Variants in SCMH1 observed in about 807,000 individuals in gnomAD.
The protein encoded by SCMH1 is polycomb protein SCMH1.
A neutral mutation model predicts 70.8 loss-of-function variants in SCMH1; 37 were observed. That is an observed-to-expected ratio of 0.52 (90% CI 0.40 to 0.69). SCMH1 has a LOEUF of 0.69. Ranked by LOEUF, SCMH1 falls within the 30% of genes least tolerant of loss-of-function variation. SCMH1 has a pLI of 0.00. For synonymous variants in SCMH1, 292 were observed against 307.4 expected (o/e 0.95, Z 0.52); for missense variants, 607 against 827.3 (o/e 0.73, Z 3.27).
chr1:41,162,648 G>A (rs1028318848), intron 2 of SCMH1: 1 of 152,274 alleles, frequency 6.6e-6, no homozygotes, highest in South Asian at 2.1e-4. Context: ...CAACCTGCTT[G>A]CAGAGAGGAG....
intron 1 of SCMH1, among the ~76,000 whole-genome samples, chr1:41,213,310 C>T (rs1657431217): frequency 6.6e-6 from 1 of 152,114 alleles, no homozygotes; most frequent in Admixed American, 6.6e-5. Flanking sequence ...TAGCTTGTGG[C>T]TATAATGTTT....
At chr1:41,231,723 A>G (rs1374526848) in intron 1 of SCMH1, among the ~76,000 whole-genome samples, 1 of 152,078 alleles carries the variant, frequency 6.6e-6, no homozygotes, top group Non-Finnish European at 1.5e-5. Context: ...AGTTTTGTGG[A>G]GTATTAGAAA....
At chr1:41,168,962 T>C (rs1478911447) in intron 2 of SCMH1, among the ~76,000 whole-genome samples, 2 of 152,196 alleles carry the variant, frequency 1.3e-5, no homozygotes, top group Admixed American at 1.3e-4. Flanking sequence ...TTTCCTTCTA[T>C]CTTCACAGCT....
At chr1:41,176,450 G>A (rs1319592361) in intron 2 of SCMH1, among the ~76,000 whole-genome samples, 4 of 152,310 alleles carry the variant, frequency 2.6e-5, no homozygotes, top group South Asian at 4.1e-4. Context: ...AGCAGGGCGA[G>A]GCATCGCCTC....
At chr1:41,185,181 G>GA (rs1649833155) in intron 2 of SCMH1, among the ~76,000 whole-genome samples, 2 of 151,868 alleles carry the variant, frequency 1.3e-5, no homozygotes, top group Admixed American at 1.3e-4. Context: ...TGCTTCAAAC[G>GA]AAAAATTCAT....
chr1:41,063,188 A>G (rs542919764), intron 10 of SCMH1, among the ~76,000 whole-genome samples: 6 of 152,162 alleles, frequency 3.9e-5, no homozygotes, highest in African/African-American at 1.4e-4. Flanking sequence ...CAATAGAGGA[A>G]ACAGGCCAGG....
intron 6 of SCMH1, among the ~76,000 whole-genome samples, chr1:41,127,524 C>CAATTGTATCTTTTCCT (rs1375529001): frequency 6.6e-6 from 1 of 152,162 alleles, no homozygotes; most frequent in Admixed American, 6.5e-5. Context: ...TATATGGATT[C>CAATTGTATCTTTTCCT]AATTGTATCT....
rs3030391 is a variant in SCMH1, at chr1:41,049,310, A to ATGTGTGTGTGTGTG, written c.1106-434_1106-421dup. 5.3e-5 allele frequency among the ~76,000 whole-genome samples: 8 copies of ATGTGTGTGTGTGTG among 149,894 alleles called. No homozygotes were observed. In the East Asian group the frequency reaches 7.9e-4, roughly 15 times the overall value. ...GCAATGGCAATATTAGCAAGGGCAT[A>ATGTGTGTGTGTGTG]TGTGTGTGTGTGTGTGTGTGTATGT... On this transcript the variant is annotated intron_variant, in intron 10 of 14. Transcript: ENST00000337495.
At chr1:41,087,937 G>GGTGAGTGTGTGTGTGTGTGT (rs146410110) in intron 8 of SCMH1, among the ~76,000 whole-genome samples, 1 of 139,844 alleles carries the variant, frequency 7.2e-6, no homozygotes. Flanking sequence ...TATAGTTTCT[G>GGTGAGTGTGTGTGTGTGTGT]GTGTGTGTGT....
At chr1:41,221,489 C>G (rs1398944425) in intron 1 of SCMH1, among the ~76,000 whole-genome samples, 1 of 129,912 alleles carries the variant, frequency 7.7e-6, no homozygotes, top group South Asian at 2.4e-4. Context: ...ACCATTTCTA[C>G]AAAAACAAAA....
chr1:41,183,240 C>T (rs1043006622), intron 2 of SCMH1, among the ~76,000 whole-genome samples: 1 of 152,138 alleles, frequency 6.6e-6, no homozygotes, highest in Non-Finnish European at 1.5e-5. Flanking sequence ...CTCACGTTGA[C>T]CAATAAAAAC....
intron 1 of SCMH1, among the ~76,000 whole-genome samples, chr1:41,213,945 C>G (rs912459466): frequency 8.6e-5 from 13 of 151,900 alleles, no homozygotes; most frequent in Non-Finnish European, 7.4e-5. Flanking sequence ...AAGCTCAATA[C>G]TGGGCAATAG....
At chr1:41,147,193 C>T (rs1644661425) in intron 5 of SCMH1, among the ~76,000 whole-genome samples, 1 of 152,038 alleles carries the variant, frequency 6.6e-6, no homozygotes, top group African/African-American at 2.4e-5. Context: ...ACTTATTTGC[C>T]CTGTATACAT....
chr1:41,126,120 CTTAT>C (rs1439753594), intron 6 of SCMH1, among the ~76,000 whole-genome samples: 1 of 152,146 alleles, frequency 6.6e-6, no homozygotes, highest in African/African-American at 2.4e-5. Context: ...ATATTAGAAT[CTTAT>C]TTATTCATTT....
At chr1:41,224,200 T>C (rs1416102846) in intron 1 of SCMH1, among the ~76,000 whole-genome samples, 1 of 152,200 alleles carries the variant, frequency 6.6e-6, no homozygotes, top group Admixed American at 6.5e-5. Context: ...GACAAAATCA[T>C]TATCTCTTCC....
chr1:41,226,116 T>C (rs1660231560), intron 1 of SCMH1, among the ~76,000 whole-genome samples: 1 of 152,196 alleles, frequency 6.6e-6, no homozygotes, highest in African/African-American at 2.4e-5. Flanking sequence ...TACTTGGAAA[T>C]TTCCTACAGC....
At chr1:41,114,661 T>TTC (rs61013208) in intron 7 of SCMH1, among the ~76,000 whole-genome samples, 17,612 of 148,156 alleles carry the variant, frequency 0.12, 1,309 homozygotes, top group East Asian at 0.28. Flanking sequence ...AAGATTTCCT[T>TTC]TCTCTCTCTC....
chr1:41,111,949 A>G (rs1046376215), intron 8 of SCMH1, among the ~76,000 whole-genome samples: 7 of 152,190 alleles, frequency 4.6e-5, no homozygotes, highest in African/African-American at 1.4e-4. Flanking sequence ...ATGTATATAG[A>G]TGTCAAAACT....
intron 6 of SCMH1, among the ~76,000 whole-genome samples, chr1:41,127,510 G>A (rs1227217061): frequency 6.6e-6 from 1 of 152,118 alleles, no homozygotes; most frequent in Non-Finnish European, 1.5e-5. Context: ...GACATACGCT[G>A]TGATATATGG....
Sources: allele counts gnomAD v4.1 joint callset (sites outside exome capture counted in the v4.1 genomes callset), GRCh38; gene constraint gnomAD v4.1.1; transcripts MANE v1.5; gene names NCBI Gene and HGNC (gene_info 2026-07-23, HGNC 2026-07-21).